Variants in RHCE observed in about 807,000 individuals in gnomAD.
RHCE encodes the protein Rh blood group CcEe antigens.
In RHCE, 22 loss-of-function variants were observed where a neutral mutation model predicts 43.8. The observed-to-expected ratio is 0.50, with a 90% CI of 0.36 to 0.72. The LOEUF (loss-of-function observed/expected upper bound fraction) is 0.72, where lower values mean the gene tolerates loss of function less well. RHCE is among the 30% of genes least tolerant of loss of function. RHCE has a pLI of 0.00. For missense variants in RHCE, 385 were observed against 525.4 expected (o/e 0.73, Z 2.61); for synonymous variants, 156 against 210.7 (o/e 0.74, Z 2.25).
chr1:25,408,771 T>G lies in RHCE; in HGVS notation c.247A>C (p.Met83Leu), dbSNP rs760974460. 7.8e-6 allele frequency: 10 copies of G among 1,281,976 alleles called. 3 individuals are homozygous for G. Among genetic ancestry groups the G allele is most frequent in the Non-Finnish European group, 1.0e-5 (10 of 962,430 alleles). The allele number at this position is 1,281,976 out of a possible 1,614,324, so 79.4% of individuals were successfully genotyped here. A position where few individuals can be genotyped will look rare whatever the true frequency, so the allele number is the denominator to read the frequency against. Reference protein sequence around the residue: ...SWSSVAFNLFMLALGVQWAIL... With the variant: ...SWSSVAFNLFLLALGVQWAIL... ...GCCCACTGCACACCAAGCGCCAGCA[T>G]GAAGAGGTTGAAGGCCACACTGCTC... Residue 83 changes from methionine (M) to leucine (L), a missense_variant, in exon 2 of 10, where the codon ATG becomes CTG. Coordinates refer to ENST00000294413, the MANE Select transcript of RHCE (RefSeq NM_020485.8).
At chr1:25,416,712 G>A (rs1416471137) in intron 1 of RHCE, among the ~76,000 whole-genome samples, 1 of 151,212 alleles carries the variant, frequency 6.6e-6, no homozygotes, top group East Asian at 1.9e-4. Context: ...AAGCTCCCAG[G>A]CTCAAGCAAG....
intron 1 of RHCE, among the ~76,000 whole-genome samples, chr1:25,429,728 G>A (rs2042835665): frequency 1.3e-5 from 2 of 152,026 alleles, no homozygotes; most frequent in African/African-American, 4.8e-5. Flanking sequence ...ACAATAAAAT[G>A]TCAACTGTAT....
intron 1 of RHCE, among the ~76,000 whole-genome samples, chr1:25,417,965 G>A (rs949766861): frequency 6.6e-6 from 1 of 152,144 alleles, no homozygotes; most frequent in Non-Finnish European, 1.5e-5. Context: ...ACCTCAGACT[G>A]AAGCCAAACT....
chr1:25,370,571 AT>A, intron 8 of RHCE, 31 bp from the exon 9 acceptor site: 1 of 1,553,470 alleles, frequency 6.4e-7, no homozygotes, highest in South Asian at 1.1e-5. Flanking sequence ...ATGTTAAAAG[AT>A]TTGGAGCACA....
At chr1:25,413,674 A>AC (rs1269657570) in intron 1 of RHCE, among the ~76,000 whole-genome samples, 1 of 151,128 alleles carries the variant, frequency 6.6e-6, no homozygotes, top group Non-Finnish European at 1.5e-5. Context: ...GATAGACAGT[A>AC]CCCCACGTTC....
rs555719701 is a variant in RHCE, at chr1:25,390,391, G to C, written c.801+358C>G. Among the ~76,000 whole-genome samples the C allele has an allele frequency of 4.0e-3, 615 of 152,228 alleles. 3 individuals are homozygous for C. The highest frequency in any genetic ancestry group is 0.013 in the African/African-American group (552 of 41,536). On this transcript the variant is annotated intron_variant, in intron 5 of 9. Coordinates refer to ENST00000294413, the MANE Select transcript of RHCE (RefSeq NM_020485.8). ...ATGGTTCCATTCTTGAAATTTGTTG[G>C]GGGGAAGAGAGAGGCTGGCTAATTC...
intron 7 of RHCE, among the ~76,000 whole-genome samples, chr1:25,385,318 G>C (rs1157979999): frequency 6.6e-6 from 1 of 152,224 alleles, no homozygotes; most frequent in Admixed American, 6.5e-5. Flanking sequence ...ACAAGGGGGC[G>C]ACTGAGGCTG....
chr1:25,362,326 T>C lies in RHCE; in HGVS notation c.*201A>G, dbSNP rs1401608868. 1.7e-6 allele frequency: 2 copies of C among 1,211,224 alleles called. No homozygotes were observed. The highest frequency in any genetic ancestry group is 3.1e-5 in the African/African-American group (2 of 64,564). 75.0% of individuals were successfully genotyped at this position (1,211,224 alleles called of 1,614,324 possible). On this transcript the variant is annotated 3_prime_UTR_variant, in exon 10 of 10. Coordinates refer to ENST00000294413, the MANE Select transcript of RHCE (RefSeq NM_020485.8). Reference sequence around the variant, plus strand: ...AGCATCATCCTAATGAAACTAAACATTTATTTTAAACTTATTAAATTGACT... The same window carrying C: ...AGCATCATCCTAATGAAACTAAACACTTATTTTAAACTTATTAAATTGACT...
intron 8 of RHCE, among the ~76,000 whole-genome samples, chr1:25,374,182 G>A (rs1282171701): frequency 6.0e-5 from 9 of 150,584 alleles, no homozygotes; most frequent in Non-Finnish European, 1.2e-4. Flanking sequence ...TCTGCCTCCC[G>A]GGTTTAAGCA....
chr1:25,375,972 A>T (rs1645774399), intron 7 of RHCE, among the ~76,000 whole-genome samples: 1 of 151,658 alleles, frequency 6.6e-6, no homozygotes, highest in Non-Finnish European at 1.5e-5. Flanking sequence ...TGTATTATTA[A>T]TAGAGACGGG....
At position 25,411,176 on chromosome 1, in the gene RHCE, T is replaced by C. The variant is rs141690967; in HGVS notation, c.149-2307A>G. On this transcript the variant is annotated intron_variant, in intron 1 of 9. Coordinates refer to ENST00000294413, the MANE Select transcript of RHCE (RefSeq NM_020485.8). ...TAGCCCTGTGGTCTTCTAAGTTGCTTACTTTCCTTATCAACAGAATAAGGG... is the reference window on the plus strand; with the variant it reads ...TAGCCCTGTGGTCTTCTAAGTTGCTCACTTTCCTTATCAACAGAATAAGGG... Among the ~76,000 whole-genome samples, 131 of 151,824 alleles carry C rather than the reference T, an allele frequency of 8.6e-4. 1 individual carries two copies. Among genetic ancestry groups the C allele is most frequent in the South Asian group, 1.0e-3 (5 of 4,828 alleles).
At chr1:25,372,518 T>TAA (rs76717377) in intron 8 of RHCE, among the ~76,000 whole-genome samples, 1 of 139,932 alleles carries the variant, frequency 7.1e-6, no homozygotes, top group African/African-American at 2.7e-5. Flanking sequence ...AAACTCCGTC[T>TAA]AAAAAAAAAA....
intron 1 of RHCE, among the ~76,000 whole-genome samples, chr1:25,412,753 A>T (rs187601339): frequency 6.7e-6 from 1 of 148,710 alleles, no homozygotes; most frequent in Non-Finnish European, 1.5e-5. Context: ...GGCCGGGCAC[A>T]GTGGCTTATG....
intron 1 of RHCE, among the ~76,000 whole-genome samples, chr1:25,411,879 A>G (rs1352421227): frequency 3.0e-4 from 46 of 152,288 alleles, no homozygotes; most frequent in Admixed American, 3.0e-3. Flanking sequence ...ATTAAACACG[A>G]TTGTTAAAGT....
chr1:25,421,479 T>G (rs1384615805), upstream of RHCE, among the ~76,000 whole-genome samples: 1 of 152,162 alleles, frequency 6.6e-6, no homozygotes, highest in African/African-American at 2.4e-5. Context: ...CTGGAGGGGA[T>G]CCTGATCCAG....
intron 2 of RHCE, among the ~76,000 whole-genome samples, chr1:25,405,060 G>A (rs551299075): frequency 4.0e-5 from 6 of 150,476 alleles, no homozygotes; most frequent in South Asian, 2.1e-4. Flanking sequence ...AAAGCTAGGC[G>A]TGGTGGTGTG....
chr1:25,409,578 T>C (rs1351067814), intron 1 of RHCE, among the ~76,000 whole-genome samples: 3 of 123,872 alleles, frequency 2.4e-5, no homozygotes, highest in Non-Finnish European at 5.5e-5. Flanking sequence ...GTGAGCACTT[T>C]GGTTTAATTC....
intron 6 of RHCE, among the ~76,000 whole-genome samples, chr1:25,386,939 G>C (rs1646190300): frequency 6.6e-6 from 1 of 152,132 alleles, no homozygotes; most frequent in Admixed American, 6.5e-5. Flanking sequence ...GCTGAGGTAG[G>C]AGAATCACTT....
intron 1 of RHCE, among the ~76,000 whole-genome samples, chr1:25,412,188 C>G (rs1647101706): frequency 1.3e-5 from 2 of 152,256 alleles, no homozygotes; most frequent in African/African-American, 4.8e-5. Context: ...ATGCCTGGAA[C>G]TATGTCCTTG....
Sources: gnomAD v4.1 joint callset for allele counts (sites outside exome capture counted in the v4.1 genomes callset) on GRCh38, gnomAD v4.1.1 for gene constraint, MANE v1.5 for transcripts, NCBI Gene and HGNC (gene_info 2026-07-23, HGNC 2026-07-21) for gene names.